Variants in EMID1 observed in about 807,000 individuals in gnomAD.
EMID1 encodes EMI domain-containing protein 1.
In EMID1, 40 loss-of-function variants were observed where a neutral mutation model predicts 60.6. The observed-to-expected ratio is 0.66, with a 90% CI of 0.51 to 0.86. The LOEUF is 0.86. EMID1 is among the 40% of genes least tolerant of loss of function. The probability of loss-of-function intolerance (pLI) is 0.00; values close to 1 mark genes in which losing one functional copy is unlikely to be tolerated. For synonymous variants in EMID1, 242 were observed against 231.0 expected, an observed-to-expected ratio of 1.05 and a Z score of -0.43; for missense variants, 585 against 597.1, an observed-to-expected ratio of 0.98 and a Z score of 0.21.
chr22:29,235,075 C>T (rs189938642), intron 12 of EMID1, among the ~76,000 whole-genome samples: 9 of 152,020 alleles, frequency 5.9e-5, no homozygotes, highest in East Asian at 5.8e-4. Context: ...GGACCGGGCA[C>T]GGTGGCTTAC....
At chr22:29,236,381 G>C (rs968080970) in intron 12 of EMID1, among the ~76,000 whole-genome samples, 1 of 152,098 alleles carries the variant, frequency 6.6e-6, no homozygotes, top group Non-Finnish European at 1.5e-5. Context: ...GACAGAACCA[G>C]ACCTTGCCTC....
chr22:29,226,672 A>T (rs909509147), intron 5 of EMID1, 121 bp downstream of exon 5: 79 of 994,892 alleles, frequency 7.9e-5, no homozygotes, highest in Non-Finnish European at 1.0e-4. Flanking sequence ...GTGAACCCAC[A>T]GGGCAGCTCT....
At chr22:29,256,807 G>A (rs1218843794) in intron 14 of EMID1, among the ~76,000 whole-genome samples, 1 of 152,102 alleles carries the variant, frequency 6.6e-6, no homozygotes, top group Non-Finnish European at 1.5e-5. Flanking sequence ...GGGGAAGTGG[G>A]TCGGGCAGCC....
At chr22:29,255,335 C>T in intron 14 of EMID1, 1 of 1,521,788 alleles carries the variant, frequency 6.6e-7, no homozygotes. Context: ...AGACGGGTCA[C>T]CCTCCTGGAA....
chr22:29,217,228 G>A (rs1255596924), intron 3 of EMID1, among the ~76,000 whole-genome samples: 1 of 152,244 alleles, frequency 6.6e-6, no homozygotes, highest in African/African-American at 2.4e-5. Flanking sequence ...GGACAGGTGG[G>A]GACAGCACCC....
intron 1 of EMID1, among the ~76,000 whole-genome samples, chr22:29,209,566 A>G (rs892926612): frequency 6.6e-6 from 1 of 152,138 alleles, no homozygotes; most frequent in Non-Finnish European, 1.5e-5. Flanking sequence ...CAGTCATTCA[A>G]CAAACATCGC....
chr22:29,228,958 G>A (rs2040629266), intron 5 of EMID1, among the ~76,000 whole-genome samples: 1 of 152,104 alleles, frequency 6.6e-6, no homozygotes, highest in Admixed American at 6.6e-5. Flanking sequence ...TGAAAACCAG[G>A]CAAAAGAAGG....
At chr22:29,224,264 T>C (rs559518815) in intron 3 of EMID1, among the ~76,000 whole-genome samples, 17 of 152,302 alleles carry the variant, frequency 1.1e-4, no homozygotes, top group Non-Finnish European at 1.6e-4. Context: ...GCCCGCGCCT[T>C]ATTTGGGTCT....
chr22:29,233,381 G>A lies in EMID1; in HGVS notation c.826G>A (p.Asp276Asn). ...PPHARISQHG[D>N]PLLSNTFTET... ...ACTCATCATCTTTGCTCACCCAGGA[G>A]ACCCATTGCTGTCCAACACCTTCAC... Residue 276 changes from aspartate to asparagine, a missense_variant and splice_region_variant, in exon 9 of 15, where the codon GAC (aspartate) becomes AAC (asparagine). Transcript: ENST00000334018. 1 of 1,614,058 alleles carries A rather than the reference G, an allele frequency of 6.2e-7. No individual in the cohort carries two copies. The highest frequency in any genetic ancestry group is 8.5e-7 in the Non-Finnish European group (1 of 1,179,908).
intron 12 of EMID1, among the ~76,000 whole-genome samples, chr22:29,238,821 G>C (rs1195512431): frequency 7.1e-6 from 1 of 140,190 alleles, no homozygotes; most frequent in Non-Finnish European, 1.5e-5. Flanking sequence ...GCCTCCCAAA[G>C]TGCTGGGATT....
At chr22:29,258,045 T>TGGTGTTTACCCATGG (rs1362721611) in intron 14 of EMID1, among the ~76,000 whole-genome samples, 15 of 152,176 alleles carry the variant, frequency 9.9e-5, no homozygotes. Context: ...GGCAGTGCCC[T>TGGTGTTTACCCATGG]CAGTGGGAAC....
At chr22:29,215,438 G>C (rs979387967) in intron 2 of EMID1, 89 bp from the exon 3 acceptor site, 2 of 1,395,028 alleles carry the variant, frequency 1.4e-6, no homozygotes, top group African/African-American at 2.8e-5. Context: ...GATCCTGGAA[G>C]CTCTAGGTTT....
rs913414236 is a variant in EMID1 at position 29,224,876 on chromosome 22, T to A, written c.320-257T>A. On this transcript the variant is annotated intron_variant, in intron 3 of 14. Coordinates refer to ENST00000334018, the MANE Select transcript of EMID1 (RefSeq NM_133455.4). Reference sequence around the variant, plus strand: ...TCTTAGCCCATGAGGCTGGTTGGGGTCATTGGGGAAGCCCTCAGCCTCATC... The same window carrying A: ...TCTTAGCCCATGAGGCTGGTTGGGGACATTGGGGAAGCCCTCAGCCTCATC... Among the ~76,000 whole-genome samples, 256 of 151,980 alleles carry A rather than the reference T, an allele frequency of 1.7e-3. 2 individuals are homozygous for A. Among genetic ancestry groups the A allele is most frequent in the Non-Finnish European group, 2.7e-4 (18 of 67,904 alleles).
At chr22:29,243,109 C>A (rs996370960) in intron 12 of EMID1, among the ~76,000 whole-genome samples, 1 of 150,724 alleles carries the variant, frequency 6.6e-6, no homozygotes, top group African/African-American at 2.4e-5. Flanking sequence ...ACCTCTGATT[C>A]CTGAGGCCAA....
intron 14 of EMID1, among the ~76,000 whole-genome samples, chr22:29,256,997 C>A (rs1040412738): frequency 6.6e-6 from 1 of 152,204 alleles, no homozygotes; most frequent in Non-Finnish European, 1.5e-5. Flanking sequence ...CTCTCAGAAC[C>A]TTTTTAGGTG....
Position 29,225,174 on chromosome 22 carries a change from A to G in EMID1, c.361A>G (p.Ser121Gly). The G allele has an allele frequency of 6.2e-7, 1 of 1,614,012 alleles. No individual in the cohort carries two copies. The highest frequency in any genetic ancestry group is 8.5e-7 in the Non-Finnish European group (1 of 1,180,006). Residue 121 changes from serine to glycine, a missense_variant, in exon 4 of 15, where the codon AGT (serine) becomes GGT (glycine). Coordinates refer to ENST00000334018, the MANE Select transcript of EMID1 (RefSeq NM_133455.4). ...CTCCTTGGAGCCCATGTGGTCGGGC[A>G]GTACCATGCGGCGGATGGCGCTTCG... ...SASLEPMWSG[S>G]TMRRMALRPT... is the part of the protein sequence containing the mutation.
At chr22:29,233,502 A>G in intron 9 of EMID1, 34 bp downstream of exon 9, 1 of 1,611,374 alleles carries the variant, frequency 6.2e-7, no homozygotes, top group East Asian at 2.2e-5. Context: ...TAAAGGGTGA[A>G]GTTGGTAGAT....
chr22:29,226,567 C>G lies in EMID1; in HGVS notation c.465+16C>G. 6.2e-7 allele frequency: 1 copy of G among 1,607,934 alleles called. No individual in the cohort carries two copies. Among genetic ancestry groups the G allele is most frequent in the Non-Finnish European group, 8.5e-7 (1 of 1,177,410 alleles). On this transcript the variant is annotated intron_variant, in intron 5 of 14. Coordinates refer to ENST00000334018, the MANE Select transcript of EMID1 (RefSeq NM_133455.4). The stretch of plus-strand genomic sequence containing the variant: ...GGAGGCCAAGGTGGGTGAGCAGCTC[C>G]CTCCTGGGTGGTTGTTCCCTGCCAC...
intron 1 of EMID1, among the ~76,000 whole-genome samples, chr22:29,211,391 G>A (rs561834513): frequency 8.5e-5 from 13 of 152,322 alleles, no homozygotes; most frequent in African/African-American, 3.1e-4. Flanking sequence ...GGATCTGTGT[G>A]TGCACACGGA....
Sources: allele counts gnomAD v4.1 joint callset (sites outside exome capture counted in the v4.1 genomes callset), GRCh38; gene constraint gnomAD v4.1.1; transcripts MANE v1.5; gene names NCBI Gene and HGNC (gene_info 2026-07-23, HGNC 2026-07-21).